The following PRRC1 variants were observed in gnomAD, a reference collection of about 807,000 sequenced individuals.
PRRC1 encodes the protein proline rich coiled-coil 1.
In PRRC1, 39 loss-of-function variants were observed where a neutral mutation model predicts 40.7. That is an observed-to-expected ratio of 0.96 (90% CI 0.74 to 1.25). The LOEUF (loss-of-function observed/expected upper bound fraction) is 1.25. Among genes scored for constraint, PRRC1 ranks in the 50% most tolerant of loss-of-function variants. The pLI is 0.00. For synonymous variants in PRRC1, 175 were observed against 193.3 expected, an observed-to-expected ratio of 0.91 and a Z score of 0.79; for missense variants, 573 against 548.3, an observed-to-expected ratio of 1.05 and a Z score of -0.45.
chr5:127,524,386 A>G, intron 2 of PRRC1, 145 bp from the exon 3 acceptor site: 1 of 723,510 alleles, frequency 1.4e-6, no homozygotes, highest in Admixed American at 2.7e-5. Context: ...TTTGTTGTAT[A>G]TTTTAAATTA....
chr5:127,552,913 T>C lies in PRRC1; in HGVS notation c.*997T>C, dbSNP rs1768429664. 1.1e-6 allele frequency: 1 copy of C among 937,082 alleles called. No homozygotes were observed. Among genetic ancestry groups the C allele is most frequent in the Non-Finnish European group, 1.3e-6 (1 of 786,152 alleles). 58.0% of individuals were successfully genotyped at this position (937,082 alleles called of 1,614,324 possible). A position where few individuals can be genotyped will look rare whatever the true frequency, so the allele number is the denominator to read the frequency against. On this transcript the variant is annotated 3_prime_UTR_variant, in exon 9 of 9. Coordinates refer to ENST00000296666, the MANE Select transcript of PRRC1 (RefSeq NM_130809.5). ...TGGTCTTTACTTTTTATGGATGTTT[T>C]CAAAGAAACTATTTTATATTCAATC...
chr5:127,547,643 A>G (rs1012119326), intron 7 of PRRC1, among the ~76,000 whole-genome samples, 176 bp from the exon 8 acceptor site: 2 of 135,416 alleles, frequency 1.5e-5, no homozygotes, highest in Non-Finnish European at 3.3e-5. Context: ...TAGAATTAAT[A>G]CAGAGTAATT....
At chr5:127,523,270 T>C (rs1767510637) in intron 1 of PRRC1, among the ~76,000 whole-genome samples, 190 bp from the exon 2 acceptor site, 2 of 152,254 alleles carry the variant, frequency 1.3e-5, no homozygotes, top group Admixed American at 1.3e-4. Flanking sequence ...TTGTTTGATA[T>C]TAAATATTCT....
intron 5 of PRRC1, among the ~76,000 whole-genome samples, 161 bp from the exon 6 acceptor site, chr5:127,533,462 A>G (rs556361884): frequency 3.9e-4 from 59 of 152,302 alleles, no homozygotes; most frequent in African/African-American, 1.4e-3. Flanking sequence ...TGTTGGCCTC[A>G]GTTTTCTCAA....
At chr5:127,518,583 G>A (rs755292314) in intron 1 of PRRC1, among the ~76,000 whole-genome samples, 6 of 152,148 alleles carry the variant, frequency 3.9e-5, no homozygotes, top group Non-Finnish European at 8.8e-5. Context: ...TTTATTTCGG[G>A]GTCAGATTAG....
chr5:127,539,023 C>G lies in PRRC1; in HGVS notation c.922-17C>G. On this transcript the variant is annotated splice_polypyrimidine_tract_variant and intron_variant, in intron 6 of 8. Coordinates refer to ENST00000296666, the MANE Select transcript of PRRC1 (RefSeq NM_130809.5). Reference sequence around the variant, plus strand: ...AATAATTTGAAATGGTCTCTAACCTCTGCCATTGTTGTTTAGGGTGCTCAG... The same window carrying G: ...AATAATTTGAAATGGTCTCTAACCTGTGCCATTGTTGTTTAGGGTGCTCAG... 6.3e-7 allele frequency: 1 copy of G among 1,596,922 alleles called. No individual in the cohort carries two copies. Among genetic ancestry groups the G allele is most frequent in the Non-Finnish European group, 8.6e-7 (1 of 1,165,400 alleles).
intron 5 of PRRC1, among the ~76,000 whole-genome samples, chr5:127,532,102 GT>G (rs1253417486): frequency 6.3e-4 from 91 of 143,836 alleles, no homozygotes; most frequent in African/African-American, 1.5e-3. Flanking sequence ...AAATCTTAAG[GT>G]TTTTTTTTTT....
intron 7 of PRRC1, among the ~76,000 whole-genome samples, chr5:127,545,385 T>C (rs112293510): frequency 0.03 from 4,575 of 151,866 alleles, 230 homozygotes; most frequent in African/African-American, 0.1. Flanking sequence ...TTGGAACCAA[T>C]CCAAATGTCC....
At position 127,552,510 on chromosome 5, in the gene PRRC1, G is replaced by A. The variant is rs1016682448; in HGVS notation, c.*594G>A. 1.0e-5 allele frequency: 10 copies of A among 985,994 alleles called. No individual in the cohort carries two copies. In the African/African-American group the frequency reaches 1.0e-4, roughly 10 times the overall value. 61.1% of individuals were successfully genotyped at this position (985,994 alleles called of 1,614,324 possible). A position where few individuals can be genotyped will look rare whatever the true frequency, so the allele number is the denominator to read the frequency against. On this transcript the variant is annotated 3_prime_UTR_variant, in exon 9 of 9. Transcript: ENST00000296666. Reference sequence around the variant, plus strand: ...GATTATTTTCCTTTTTGGCCATCACGTACACATGTAATCTGGAAAATCATA... The same window carrying A: ...GATTATTTTCCTTTTTGGCCATCACATACACATGTAATCTGGAAAATCATA...
rs1768457844 is a variant in PRRC1 at position 127,553,895 on chromosome 5, TC to T, written c.*1980del. Reference sequence around the variant, plus strand: ...CCTGGTGACCTGGTAAGCCTCCTGCTCGGAACCGTGTGAGTGGGTGAGGAAG... The same window carrying T: ...CCTGGTGACCTGGTAAGCCTCCTGCTGGAACCGTGTGAGTGGGTGAGGAAG... On this transcript the variant is annotated 3_prime_UTR_variant, in exon 9 of 9. Transcript: ENST00000296666. The T allele has an allele frequency of 1.3e-6, 2 of 1,535,556 alleles. No individual in the cohort carries two copies. The highest frequency in any genetic ancestry group is 1.4e-5 in the African/African-American group (1 of 73,098).
intron 7 of PRRC1, among the ~76,000 whole-genome samples, chr5:127,544,094 C>G (rs1170806433): frequency 2.0e-5 from 3 of 152,186 alleles, no homozygotes; most frequent in African/African-American, 7.2e-5. Context: ...TTCTAACAGA[C>G]AGGACCCTCA....
At chr5:127,540,681 A>G (rs76189416) in intron 7 of PRRC1, among the ~76,000 whole-genome samples, 137 of 152,196 alleles carry the variant, frequency 9.0e-4, no homozygotes, top group African/African-American at 3.2e-3. Flanking sequence ...TAAAAATGTC[A>G]TGGTACTGTT....
At chr5:127,519,293 A>G (rs1003556765) in intron 1 of PRRC1, among the ~76,000 whole-genome samples, 1 of 152,184 alleles carries the variant, frequency 6.6e-6, no homozygotes, top group Non-Finnish European at 1.5e-5. Flanking sequence ...TACTGAATGA[A>G]AGGATTCAGC....
intron 7 of PRRC1, among the ~76,000 whole-genome samples, chr5:127,547,018 TAAAA>T (rs1304111939): frequency 6.6e-6 from 1 of 152,148 alleles, no homozygotes; most frequent in East Asian, 1.9e-4. Context: ...AATGTGTAAA[TAAAA>T]GTCTCCTAAT....
At chr5:127,544,202 G>A (rs55821064) in intron 7 of PRRC1, among the ~76,000 whole-genome samples, 5,750 of 152,270 alleles carry the variant, frequency 0.038, 159 homozygotes, top group Middle Eastern at 0.092. Flanking sequence ...TTCGTGAACC[G>A]CGAATGCTGC....
At chr5:127,543,874 G>A (rs1361618379) in intron 7 of PRRC1, among the ~76,000 whole-genome samples, 30 of 152,206 alleles carry the variant, frequency 2.0e-4, no homozygotes, top group African/African-American at 7.0e-4. Context: ...CTCTCAACTC[G>A]TCAAAGTCAT....
chr5:127,518,983 G>A (rs566219433), intron 1 of PRRC1, among the ~76,000 whole-genome samples: 1 of 152,228 alleles, frequency 6.6e-6, no homozygotes, highest in African/African-American at 2.4e-5. Context: ...ATTTACCTCA[G>A]TATTGCCATT....
At chr5:127,525,019 A>G in intron 3 of PRRC1, 99 bp downstream of exon 3, 1 of 1,174,432 alleles carries the variant, frequency 8.5e-7, no homozygotes, top group Middle Eastern at 2.6e-4. Flanking sequence ...TGTACTCTAC[A>G]ATTCACCCAA....
At chr5:127,538,661 A>G (rs1767960381) in intron 6 of PRRC1, among the ~76,000 whole-genome samples, 1 of 152,100 alleles carries the variant, frequency 6.6e-6, no homozygotes, top group African/African-American at 2.4e-5. Flanking sequence ...AATTAACTGC[A>G]AAACTGCCAG....
Sources: allele counts gnomAD v4.1 joint callset (sites outside exome capture counted in the v4.1 genomes callset), GRCh38; gene constraint gnomAD v4.1.1; transcripts MANE v1.5; gene names NCBI Gene and HGNC (gene_info 2026-07-23, HGNC 2026-07-21).